NALF1: variants seen among roughly 807,000 people sequenced by gnomAD.
NALF1 encodes family with sequence similarity 155 member A.
Under a neutral mutation model 48.4 loss-of-function variants are expected in NALF1, and 3 were observed. That is an observed-to-expected ratio of 0.06 (90% confidence interval 0.03 to 0.16). The LOEUF is 0.16. Among genes scored for constraint, NALF1 ranks in the 10% least tolerant of loss-of-function variants. NALF1 has a pLI of 1.00. For synonymous variants in NALF1, 262 were observed against 245.7 expected (o/e 1.07, Z -0.62); for missense variants, 526 against 571.5 (o/e 0.92, Z 0.81).
chr13:107,748,052 T>C (rs187182867), intron 1 of NALF1, among the ~76,000 whole-genome samples: 34 of 152,282 alleles, frequency 2.2e-4, no homozygotes, highest in Admixed American at 1.4e-3. Context: ...CATTCTAACG[T>C]AACAACAAAA....
chr13:107,224,074 C>T (rs1000562809), intron 1 of NALF1, among the ~76,000 whole-genome samples: 1 of 151,552 alleles, frequency 6.6e-6, no homozygotes, highest in African/African-American at 2.4e-5. Context: ...TAATATTATT[C>T]ATTATTATTG....
chr13:107,743,071 C>CT (rs1341060053), intron 1 of NALF1, among the ~76,000 whole-genome samples: 1 of 152,118 alleles, frequency 6.6e-6, no homozygotes, highest in East Asian at 1.9e-4. Flanking sequence ...GCTGGGAGGC[C>CT]TGGGAGTACT....
intron 1 of NALF1, among the ~76,000 whole-genome samples, chr13:107,325,457 A>G (rs1396926551): frequency 6.6e-6 from 1 of 152,166 alleles, no homozygotes; most frequent in African/African-American, 2.4e-5. Context: ...CAAAATTAGT[A>G]TGTTTCAGAG....
At chr13:107,231,266 A>C (rs1344753940) in intron 1 of NALF1, among the ~76,000 whole-genome samples, 1 of 152,136 alleles carries the variant, frequency 6.6e-6, no homozygotes, top group Non-Finnish European at 1.5e-5. Flanking sequence ...GTGAGACAAA[A>C]ACTTTTAAAT....
intron 1 of NALF1, among the ~76,000 whole-genome samples, chr13:107,434,877 T>G (rs16970104): frequency 6.6e-6 from 1 of 152,158 alleles, no homozygotes; most frequent in Non-Finnish European, 1.5e-5. Flanking sequence ...AATCTTCACA[T>G]GAGAGTGGGA....
intron 1 of NALF1, among the ~76,000 whole-genome samples, chr13:107,349,426 A>G (rs1026997341): frequency 6.6e-6 from 1 of 152,122 alleles, no homozygotes; most frequent in Admixed American, 6.6e-5. Flanking sequence ...GGAAGGCACA[A>G]TTAGTTGTGC....
intron 1 of NALF1, among the ~76,000 whole-genome samples, chr13:107,340,516 TTCTC>T (rs1204587483): frequency 4.4e-5 from 6 of 135,794 alleles, no homozygotes; most frequent in East Asian, 2.3e-4. Context: ...TTTTCTTTCT[TTCTC>T]TCTCTTTTTT....
rs749709340 is a variant in NALF1, at chr13:107,866,192, C to A, written c.405G>T (p.Pro135=). 14 of 1,602,810 alleles carry A rather than the reference C, an allele frequency of 8.7e-6. No individual in the cohort carries two copies. Among genetic ancestry groups the A allele is most frequent in the Non-Finnish European group, 1.2e-5 (14 of 1,175,154 alleles). The part of the protein sequence containing the change: ...ASSSPTLPPS[P]GDGGGGGGKG... ...TGCCGCCGCCGCCGCCGCCGTCTCC[C>A]GGGGAGGGGGGCAGGGTGGGGGACG... Residue 135 remains proline (P), a synonymous_variant, in exon 1 of 3, where the codon CCG becomes CCT. Transcript: ENST00000375915. The surrounding 1 kb of genome is among the most constrained non-coding windows in gnomAD (Gnocchi z 4.4).
chr13:107,563,186 G>C (rs1340772155), intron 1 of NALF1, among the ~76,000 whole-genome samples: 1 of 152,222 alleles, frequency 6.6e-6, no homozygotes, highest in African/African-American at 2.4e-5. Context: ...GCCGCAAGGA[G>C]ATTCCAGCCT....
chr13:107,533,791 T>G (rs911189095), intron 1 of NALF1, among the ~76,000 whole-genome samples: 2 of 152,220 alleles, frequency 1.3e-5, no homozygotes, highest in East Asian at 1.9e-4. Flanking sequence ...CATGACACCA[T>G]CCAGGATCAT....
chr13:107,799,224 T>C (rs1229863994), intron 1 of NALF1, among the ~76,000 whole-genome samples: 1 of 152,168 alleles, frequency 6.6e-6, no homozygotes, highest in Admixed American at 6.6e-5. Flanking sequence ...TCTGTAGGGA[T>C]ATGAAAGCAT....
intron 2 of NALF1, among the ~76,000 whole-genome samples, chr13:107,186,533 A>G (rs1879177349): frequency 6.6e-6 from 1 of 152,050 alleles, no homozygotes. Flanking sequence ...ACGCCCAGCT[A>G]ATTTTTGTAA....
chr13:107,336,459 T>C (rs569018207), intron 1 of NALF1, among the ~76,000 whole-genome samples: 138 of 152,176 alleles, frequency 9.1e-4, no homozygotes, highest in Non-Finnish European at 1.5e-3. Context: ...CATTCTACAA[T>C]AGTTGAATTC....
intron 1 of NALF1, among the ~76,000 whole-genome samples, chr13:107,471,857 A>C (rs1465355875): frequency 6.6e-6 from 1 of 152,234 alleles, no homozygotes; most frequent in East Asian, 1.9e-4. Context: ...ATCCCAATGT[A>C]TTATTTTCTT....
chr13:107,837,855 T>C (rs1879941899), intron 1 of NALF1, among the ~76,000 whole-genome samples: 1 of 152,012 alleles, frequency 6.6e-6, no homozygotes, highest in Non-Finnish European at 1.5e-5. Context: ...TTGATGGAGG[T>C]TTCCCTGTGA....
chr13:107,373,483 C>A (rs1284552776), intron 1 of NALF1, among the ~76,000 whole-genome samples: 1 of 152,102 alleles, frequency 6.6e-6, no homozygotes, highest in Non-Finnish European at 1.5e-5. Flanking sequence ...CGATCCCAGT[C>A]CCTGGGATCA....
chr13:107,500,654 C>T (rs1349926713), intron 1 of NALF1, among the ~76,000 whole-genome samples: 14 of 150,876 alleles, frequency 9.3e-5, no homozygotes, highest in Non-Finnish European at 1.3e-4. Context: ...CACATGCACA[C>T]GTATGTTTAT....
At chr13:107,346,243 A>G (rs976449768) in intron 1 of NALF1, among the ~76,000 whole-genome samples, 13 of 152,082 alleles carry the variant, frequency 8.5e-5, no homozygotes, top group African/African-American at 3.1e-4. Context: ...TAAAGATAGA[A>G]CTCCCATATG....
At chr13:107,660,483 ACAAC>A (rs1566434112) in intron 1 of NALF1, among the ~76,000 whole-genome samples, 3 of 114,736 alleles carry the variant, frequency 2.6e-5, no homozygotes, top group East Asian at 4.8e-4. Flanking sequence ...ACACACACAC[ACAAC>A]AAAGAAACAA....
Sources: allele counts gnomAD v4.1 joint callset (sites outside exome capture counted in the v4.1 genomes callset), GRCh38; gene constraint gnomAD v4.1.1; non-coding constraint Gnocchi (gnomAD v3.1); transcripts MANE v1.5; gene names NCBI Gene and HGNC (gene_info 2026-07-23, HGNC 2026-07-21).